The following PI4KA variants were observed in gnomAD, a reference collection of about 807,000 sequenced individuals.
PI4KA encodes the protein phosphatidylinositol 4-kinase alpha.
PI4KA carries 122 observed loss-of-function variants against 271.4 expected under a neutral mutation model. That is an observed-to-expected ratio of 0.45 (90% confidence interval 0.39 to 0.52). The LOEUF (loss-of-function observed/expected upper bound fraction) is 0.52. PI4KA is among the 20% of genes least tolerant of loss of function. The probability of loss-of-function intolerance (pLI) is 0.00; values close to 1 mark genes in which losing one functional copy is unlikely to be tolerated. For synonymous variants in PI4KA, 1,041 were observed against 1,078.8 expected (o/e 0.96, Z 0.69); for missense variants, 1,969 against 2,769.1 (o/e 0.71, Z 6.48).
chr22:20,714,852 A>C (rs1925773966), intron 45 of PI4KA, 152 bp from the exon 46 acceptor site: 1 of 893,568 alleles, frequency 1.1e-6, no homozygotes, highest in South Asian at 1.8e-5. Context: ...GGGCACCACT[A>C]ACTTATTATT....
intron 19 of PI4KA, among the ~76,000 whole-genome samples, chr22:20,788,104 CAA>C (rs1934388808): frequency 6.6e-6 from 1 of 152,212 alleles, no homozygotes; most frequent in African/African-American, 2.4e-5. Flanking sequence ...GTTCAGCACG[CAA>C]GAGTGCCAGT....
intron 10 of PI4KA, among the ~76,000 whole-genome samples, chr22:20,806,338 A>G (rs1336920128): frequency 6.6e-6 from 1 of 152,102 alleles, no homozygotes; most frequent in East Asian, 1.9e-4. Context: ...GGACTAGAAG[A>G]AAATGCTAAA....
chr22:20,857,523 C>CCT (rs1927750404), intron 1 of PI4KA, among the ~76,000 whole-genome samples: 1 of 152,198 alleles, frequency 6.6e-6, no homozygotes, highest in Non-Finnish European at 1.5e-5. Context: ...CGGAAAACAT[C>CCT]CTCTCTCCAT....
At chr22:20,717,395 C>T (rs569392792) in intron 45 of PI4KA, among the ~76,000 whole-genome samples, 1 of 152,378 alleles carries the variant, frequency 6.6e-6, no homozygotes, top group South Asian at 2.1e-4. Flanking sequence ...GTGACCTGCT[C>T]CTGTAATGCT....
At chr22:20,811,875 T>C (rs1032242577) in intron 8 of PI4KA, among the ~76,000 whole-genome samples, 8 of 151,610 alleles carry the variant, frequency 5.3e-5, no homozygotes, top group Admixed American at 5.3e-4. Context: ...TAGCCGGGCG[T>C]GGTGGTGGTC....
intron 36 of PI4KA, among the ~76,000 whole-genome samples, chr22:20,731,648 G>A (rs560432249): frequency 1.8e-3 from 276 of 152,252 alleles, no homozygotes; most frequent in African/African-American, 6.6e-3. Context: ...TAAAAAAATT[G>A]GCCGGGCACG....
intron 1 of PI4KA, among the ~76,000 whole-genome samples, chr22:20,853,732 A>G (rs981109671): frequency 1.3e-5 from 2 of 152,108 alleles, no homozygotes; most frequent in African/African-American, 4.8e-5. Context: ...GGCTTTGGCT[A>G]TGGGAACATG....
Position 20,718,782 on chromosome 22 carries a change from G to C in PI4KA, c.5157C>G (p.Ile1719Met). 1 of 1,613,888 alleles carries C rather than the reference G, an allele frequency of 6.2e-7. No individual in the cohort carries two copies. The highest frequency in any genetic ancestry group is 8.5e-7 in the Non-Finnish European group (1 of 1,179,840). ...TCGCTGGGCCGGACAAGGAGCCTGT[G>C]ATCTCCTCTACCAACTGATCCAGGA... ...GDLLDQLVEE[I>M]TGSLSGPAKD... is the part of the protein sequence containing the mutation. Residue 1719 changes from isoleucine (I) to methionine (M), a missense_variant, in exon 44 of 55, where the codon ATC (isoleucine) becomes ATG (methionine). By Grantham distance (10) the Ile-to-Met change is conservative. Around this residue, in one of 13 missense-constraint regions of PI4KA, gnomAD observed 388 missense variants for 521.5 expected, o/e 0.74. Coordinates refer to ENST00000255882, the MANE Select transcript of PI4KA (RefSeq NM_058004.4).
chr22:20,797,422 A>C (rs537380147), intron 17 of PI4KA, among the ~76,000 whole-genome samples: 1 of 152,200 alleles, frequency 6.6e-6, no homozygotes, highest in East Asian at 1.9e-4. Context: ...CTCCTGGAGA[A>C]AGGGCCCAGC....
chr22:20,857,497 CACT>C (rs1425875139), intron 1 of PI4KA, among the ~76,000 whole-genome samples: 1 of 152,214 alleles, frequency 6.6e-6, no homozygotes, highest in African/African-American at 2.4e-5. Flanking sequence ...CTCCGGTCAC[CACT>C]GTCTTATCTT....
intron 23 of PI4KA, 40 bp from the exon 24 acceptor site, chr22:20,753,220 G>C (rs1252145842): frequency 6.4e-7 from 1 of 1,552,002 alleles, no homozygotes; most frequent in Admixed American, 1.7e-5. Context: ...TGCAGCAACA[G>C]AGAGAGAATC....
chr22:20,790,510 A>T lies in PI4KA; in HGVS notation c.2328+2683T>A, dbSNP rs917172020. Reference sequence around the variant, plus strand: ...AACTGATTTCTACTAAAAATACAAAAATTAGCCGTGCATGGTGGTGCACAC... The same window carrying T: ...AACTGATTTCTACTAAAAATACAAATATTAGCCGTGCATGGTGGTGCACAC... On this transcript the variant is annotated intron_variant, in intron 19 of 54. Transcript: ENST00000255882. Among the ~76,000 whole-genome samples, 16 of 151,898 alleles carry T rather than the reference A, an allele frequency of 1.1e-4. No individual in the cohort carries two copies. The South Asian group carries it at 1.9e-3, about 18-fold the overall frequency.
At chr22:20,796,042 A>G (rs146341020) in intron 18 of PI4KA, 104 bp downstream of exon 18, 66 of 1,047,324 alleles carry the variant, frequency 6.3e-5, no homozygotes, top group Non-Finnish European at 9.2e-5. Flanking sequence ...TAAATCATTC[A>G]CAAAGAAAGT....
Position 20,728,676 on chromosome 22 carries a change from A to G in PI4KA, c.4682+637T>C, listed in dbSNP as rs1055440632. ...TGAGACAATGCAGAGCTGCGCTGCGATCCTATTCCAGAGGATCAAAGTAGG... is the reference window on the plus strand; with the variant it reads ...TGAGACAATGCAGAGCTGCGCTGCGGTCCTATTCCAGAGGATCAAAGTAGG... On this transcript the variant is annotated intron_variant, in intron 39 of 54. Coordinates refer to ENST00000255882, the MANE Select transcript of PI4KA (RefSeq NM_058004.4). 7.2e-5 allele frequency among the ~76,000 whole-genome samples: 11 copies of G among 152,212 alleles called. 1 individual carries two copies. Among genetic ancestry groups the G allele is most frequent in the Admixed American group, 3.9e-4 (6 of 15,290 alleles).
intron 32 of PI4KA, among the ~76,000 whole-genome samples, chr22:20,741,074 T>C (rs1929379183): frequency 6.6e-6 from 1 of 152,236 alleles, no homozygotes; most frequent in Non-Finnish European, 1.5e-5. Flanking sequence ...TTTGATTTTT[T>C]TGAACAGAAA....
chr22:20,733,793 G>A lies in PI4KA; in HGVS notation c.4103C>T (p.Ala1368Val). ...CTCGCGAAGCACATTGCGGATGGTT[G>A]CATTTGGAACCACATCGGCATGCAG... Reference protein sequence around the residue: ...SLLHADVVPNATIRNVLREKI... With the variant: ...SLLHADVVPNVTIRNVLREKI... The change falls in exon 35 of 55, where the codon GCA (alanine) becomes GTA (valine). Residue 1368 changes from alanine (A) to valine (V), a missense_variant. By Grantham distance (64) the Ala-to-Val change is moderately conservative. Around this residue, in one of 13 missense-constraint regions of PI4KA, gnomAD observed 72 missense variants for 103.1 expected, o/e 0.70. Coordinates refer to ENST00000255882, the MANE Select transcript of PI4KA (RefSeq NM_058004.4). 6.2e-7 allele frequency: 1 copy of A among 1,612,892 alleles called. No homozygotes were observed. The highest frequency in any genetic ancestry group is 8.5e-7 in the Non-Finnish European group (1 of 1,179,840).
chr22:20,774,890 A>C (rs1933142217), intron 19 of PI4KA, among the ~76,000 whole-genome samples: 1 of 152,218 alleles, frequency 6.6e-6, no homozygotes, highest in Non-Finnish European at 1.5e-5. Flanking sequence ...ACGTACACAC[A>C]CACACAGATA....
At chr22:20,836,336 C>A (rs1289930077) in intron 2 of PI4KA, among the ~76,000 whole-genome samples, 1 of 152,096 alleles carries the variant, frequency 6.6e-6, no homozygotes, top group Non-Finnish European at 1.5e-5. Flanking sequence ...CTTTGTTATA[C>A]CATAATAGAT....
intron 19 of PI4KA, 40 bp from the exon 20 acceptor site, chr22:20,765,733 C>T: frequency 4.5e-6 from 6 of 1,335,696 alleles, no homozygotes; most frequent in Non-Finnish European, 6.5e-6. Flanking sequence ...AGGTTATTTG[C>T]TGAGGAAACC....
Sources: allele counts gnomAD v4.1 joint callset (sites outside exome capture counted in the v4.1 genomes callset), GRCh38; gene constraint gnomAD v4.1.1; regional missense constraint gnomAD v4.1.1; transcripts MANE v1.5; gene names NCBI Gene and HGNC (gene_info 2026-07-23, HGNC 2026-07-21).